FYN: variants seen among roughly 807,000 people sequenced by gnomAD.
FYN encodes the protein FYN proto-oncogene, Src family tyrosine kinase.
Under a neutral mutation model 70.2 loss-of-function variants are expected in FYN, and 10 were observed. The ratio of observed to expected loss-of-function variants is 0.14; its 90% confidence interval spans 0.09 to 0.24. The LOEUF (loss-of-function observed/expected upper bound fraction) is 0.24, where lower values mean the gene tolerates loss of function less well. FYN is among the 10% of genes least tolerant of loss of function. The pLI, the probability that FYN is intolerant of heterozygous loss-of-function variation, is 1.00. For synonymous variants in FYN, 236 were observed against 248.6 expected, an observed-to-expected ratio of 0.95 and a Z score of 0.48; for missense variants, 319 against 673.1, an observed-to-expected ratio of 0.47 and a Z score of 5.82.
chr6:111,752,968 C>T (rs919353740), intron 3 of FYN, among the ~76,000 whole-genome samples: 5 of 152,148 alleles, frequency 3.3e-5, no homozygotes, highest in Non-Finnish European at 5.9e-5. Flanking sequence ...TAGTATTTGA[C>T]AGTTTAGTGT....
intron 3 of FYN, among the ~76,000 whole-genome samples, chr6:111,763,942 C>A (rs1285810778): frequency 1.3e-5 from 2 of 152,058 alleles, no homozygotes; most frequent in African/African-American, 4.8e-5. Context: ...TGCACACAGT[C>A]AATTCAATAT....
chr6:111,760,101 T>C (rs951170305), intron 3 of FYN, among the ~76,000 whole-genome samples: 2 of 152,006 alleles, frequency 1.3e-5, no homozygotes, highest in Non-Finnish European at 2.9e-5. Flanking sequence ...CATCACGATA[T>C]GCGTCACCCA....
At chr6:111,798,755 T>C (rs1771895182) in intron 2 of FYN, among the ~76,000 whole-genome samples, 1 of 152,228 alleles carries the variant, frequency 6.6e-6, no homozygotes, top group Non-Finnish European at 1.5e-5. Context: ...ACCCAGTTCG[T>C]GGCACTGTGG....
intron 3 of FYN, among the ~76,000 whole-genome samples, chr6:111,768,335 C>A (rs1041439856): frequency 1.3e-5 from 2 of 152,208 alleles, no homozygotes; most frequent in Non-Finnish European, 2.9e-5. Flanking sequence ...ATGATTGTTT[C>A]AACTGTGAGT....
At chr6:111,806,698 C>T (rs986802854) in intron 2 of FYN, among the ~76,000 whole-genome samples, 1 of 152,152 alleles carries the variant, frequency 6.6e-6, no homozygotes, top group Non-Finnish European at 1.5e-5. Context: ...CCAAGAAATT[C>T]TGTCTTATAA....
At chr6:111,746,992 C>T (rs886535974) in intron 3 of FYN, among the ~76,000 whole-genome samples, 3 of 152,058 alleles carry the variant, frequency 2.0e-5, no homozygotes, top group Non-Finnish European at 4.4e-5. Context: ...AATTTATGTA[C>T]TCAATATAAA....
chr6:111,716,909 C>T (rs1031497825), intron 4 of FYN, among the ~76,000 whole-genome samples: 4 of 151,656 alleles, frequency 2.6e-5, no homozygotes, highest in East Asian at 1.9e-4. Context: ...CTCAGCCTCC[C>T]GAGTAGCTGA....
intron 2 of FYN, among the ~76,000 whole-genome samples, chr6:111,786,436 C>A (rs902242874): frequency 1.3e-4 from 20 of 152,350 alleles, no homozygotes; most frequent in Non-Finnish European, 2.5e-4. Context: ...ATATGTGCCA[C>A]ATTTTCTTCA....
intron 1 of FYN, among the ~76,000 whole-genome samples, chr6:111,868,450 T>C (rs1562551691): frequency 6.6e-6 from 1 of 152,226 alleles, no homozygotes; most frequent in Non-Finnish European, 1.5e-5. Context: ...AGTATCGACA[T>C]GCCTTGCTTT....
At chr6:111,842,305 T>C (rs116311231) in intron 2 of FYN, among the ~76,000 whole-genome samples, 2,011 of 152,246 alleles carry the variant, frequency 0.013, 36 homozygotes, top group African/African-American at 0.045. Flanking sequence ...CGTCTGCACA[T>C]AGGAACTGCC....
chr6:111,714,606 G>A, intron 4 of FYN, 163 bp from the exon 5 acceptor site: 1 of 622,608 alleles, frequency 1.6e-6, no homozygotes, highest in Non-Finnish European at 2.9e-6. Flanking sequence ...CAGTCACAGG[G>A]CTGTGTTTAT....
chr6:111,683,573 A>T (rs989142842), intron 12 of FYN, among the ~76,000 whole-genome samples: 2 of 152,238 alleles, frequency 1.3e-5, no homozygotes, highest in African/African-American at 4.8e-5. Flanking sequence ...TCAAGGAGGA[A>T]ACCCATTAAC....
chr6:111,840,298 A>T (rs1433683628), intron 2 of FYN, among the ~76,000 whole-genome samples: 1 of 152,192 alleles, frequency 6.6e-6, no homozygotes, highest in Non-Finnish European at 1.5e-5. Context: ...TGGATTATGC[A>T]GCAGGCTCTA....
At chr6:111,860,208 A>T (rs528508794) in intron 1 of FYN, among the ~76,000 whole-genome samples, 9 of 152,312 alleles carry the variant, frequency 5.9e-5, no homozygotes, top group Admixed American at 2.0e-4. Context: ...AGTCCCGGGA[A>T]ACCAGTAAAA....
At chr6:111,724,057 T>G (rs1243834642) in intron 3 of FYN, among the ~76,000 whole-genome samples, 2 of 152,182 alleles carry the variant, frequency 1.3e-5, no homozygotes, top group Non-Finnish European at 2.9e-5. Context: ...TCTCCAATCC[T>G]TTTGCAAAGG....
At chr6:111,669,294 G>C (rs908687104) in intron 13 of FYN, among the ~76,000 whole-genome samples, 31 of 152,092 alleles carry the variant, frequency 2.0e-4, no homozygotes, top group Admixed American at 1.8e-3. Context: ...AATTAGCCGG[G>C]CGTGGTGGCG....
chr6:111,735,257 A>G (rs1048953396), intron 3 of FYN, among the ~76,000 whole-genome samples: 3 of 152,220 alleles, frequency 2.0e-5, no homozygotes, highest in Admixed American at 6.5e-5. Flanking sequence ...TCCCTGCTCA[A>G]AAGGAGCTTA....
At chr6:111,836,242 C>A (rs909625807) in intron 2 of FYN, among the ~76,000 whole-genome samples, 2 of 152,132 alleles carry the variant, frequency 1.3e-5, no homozygotes, top group Non-Finnish European at 2.9e-5. Flanking sequence ...GAAGAACGCT[C>A]TCAATGATCA....
chr6:111,699,428 C>T, intron 9 of FYN: 1 of 1,423,050 alleles, frequency 7.0e-7, no homozygotes. Context: ...GTCTTTGTCC[C>T]AACGGCTGTG....
Sources: allele counts gnomAD v4.1 joint callset (sites outside exome capture counted in the v4.1 genomes callset), GRCh38; gene constraint gnomAD v4.1.1; transcripts MANE v1.5; gene names NCBI Gene and HGNC (gene_info 2026-07-23, HGNC 2026-07-21).